Variants in PLEKHH2 observed in about 807,000 individuals in gnomAD.
The protein encoded by PLEKHH2 is pleckstrin homology domain-containing family H member 2.
Under a neutral mutation model 187.9 loss-of-function variants are expected in PLEKHH2, and 129 were observed. The observed-to-expected ratio is 0.69, with a 90% confidence interval of 0.59 to 0.79. PLEKHH2 has a LOEUF of 0.79. Ranked by LOEUF, PLEKHH2 falls within the 30% of genes least tolerant of loss-of-function variation. PLEKHH2 has a pLI of 0.00. For synonymous variants in PLEKHH2, 686 were observed against 605.6 expected, an observed-to-expected ratio of 1.13 and a Z score of -1.95; for missense variants, 2,076 against 1,751.2, an observed-to-expected ratio of 1.19 and a Z score of -3.31.
intron 10 of PLEKHH2, among the ~76,000 whole-genome samples, chr2:43,707,196 C>CA (rs60819579): frequency 0.049 from 4,288 of 88,164 alleles, 247 homozygotes; most frequent in Admixed American, 0.19. Flanking sequence ...GACTCCACCT[C>CA]AAAAAAAAAA....
chr2:43,750,759 T>C (rs910378539), intron 24 of PLEKHH2, among the ~76,000 whole-genome samples: 1 of 152,228 alleles, frequency 6.6e-6, no homozygotes, highest in Non-Finnish European at 1.5e-5. Flanking sequence ...TGGCAAATAA[T>C]TCCTGTACTT....
chr2:43,710,193 T>C (rs1265523835), intron 12 of PLEKHH2, 27 bp from the exon 13 acceptor site: 20 of 1,611,220 alleles, frequency 1.2e-5, no homozygotes, highest in Non-Finnish European at 1.7e-5. Flanking sequence ...AAACTGAAAA[T>C]GCTTTTGTCT....
intron 2 of PLEKHH2, among the ~76,000 whole-genome samples, chr2:43,676,684 C>T (rs1205418635): frequency 6.6e-6 from 1 of 152,130 alleles, no homozygotes; most frequent in Non-Finnish European, 1.5e-5. Context: ...GTGTATTCAG[C>T]CCCTGGTACA....
rs1335606836 is a variant in PLEKHH2, at chr2:43,657,026, CAAACA to C, written c.123+12244_123+12248del. On this transcript the variant is annotated intron_variant, in intron 2 of 29. Coordinates refer to ENST00000282406, the MANE Select transcript of PLEKHH2 (RefSeq NM_172069.4). ...AAGAGCAAAACTCCGTGTCAAAAAA[CAAACA>C]AAACAAAACAAAATAAAACAAAAAA... 3.9e-5 allele frequency among the ~76,000 whole-genome samples: 5 copies of C among 129,606 alleles called. No homozygotes were observed. The South Asian group carries it at 1.2e-3, about 30-fold the overall frequency. The allele number at this position is 129,606 out of a possible 152,430, so 85.0% of individuals were successfully genotyped here. A position where few individuals can be genotyped will look rare whatever the true frequency, so the allele number is the denominator to read the frequency against.
intron 13 of PLEKHH2, 75 bp downstream of exon 13, chr2:43,710,405 C>G: frequency 6.3e-7 from 1 of 1,583,970 alleles, no homozygotes; most frequent in Non-Finnish European, 8.6e-7. Flanking sequence ...ATTTCCTTCC[C>G]ATAATGCAAG....
chr2:43,764,315 TCAAAGGACAAACCAA>T lies in PLEKHH2; in HGVS notation c.4249_4263del (p.Lys1417_Thr1421del). 6.2e-7 allele frequency: 1 copy of T among 1,611,452 alleles called. No individual in the cohort carries two copies. The highest frequency in any genetic ancestry group is 8.5e-7 in the Non-Finnish European group (1 of 1,178,504). On this transcript the variant is annotated inframe_deletion, in exon 29 of 30. Transcript: ENST00000282406. ...TATGGTAGTCATTAACAATACACAT[TCAAAGGACAAACCAA>T]CAGAGAAATTACTTTTTGCCATGGC...
chr2:43,689,694 T>C (rs1344934390), intron 3 of PLEKHH2, among the ~76,000 whole-genome samples: 1 of 152,164 alleles, frequency 6.6e-6, no homozygotes, highest in Non-Finnish European at 1.5e-5. Context: ...CTCTAAGAGA[T>C]TTTGCCCCTT....
intron 2 of PLEKHH2, among the ~76,000 whole-genome samples, chr2:43,656,246 T>C (rs145630184): frequency 6.6e-6 from 1 of 152,194 alleles, no homozygotes; most frequent in African/African-American, 2.4e-5. Flanking sequence ...CATGAGTCAC[T>C]GTGCCCAGCC....
At chr2:43,726,614 G>C (rs13384733) in intron 17 of PLEKHH2, among the ~76,000 whole-genome samples, 163 bp downstream of exon 17, 23,868 of 152,108 alleles carry the variant, frequency 0.16, 2,118 homozygotes, top group Non-Finnish European at 0.2. Context: ...AATGAGCCTC[G>C]TTCAAATATG....
intron 1 of PLEKHH2, among the ~76,000 whole-genome samples, chr2:43,640,401 G>C (rs916233345): frequency 6.6e-6 from 1 of 152,052 alleles, no homozygotes; most frequent in East Asian, 1.9e-4. Flanking sequence ...ATGTTGCACA[G>C]TCTGGTCTTG....
At chr2:43,755,639 G>A (rs1313460216) in intron 25 of PLEKHH2, among the ~76,000 whole-genome samples, 1 of 152,160 alleles carries the variant, frequency 6.6e-6, no homozygotes, top group Non-Finnish European at 1.5e-5. Flanking sequence ...GGTATCAGCT[G>A]ACATAGCTTG....
intron 9 of PLEKHH2, 32 bp from the exon 10 acceptor site, chr2:43,706,290 T>G: frequency 1.3e-6 from 2 of 1,492,260 alleles, no homozygotes; most frequent in Non-Finnish European, 1.9e-6. Context: ...TAGAAGTTTT[T>G]TAAAATGTTG....
chr2:43,653,863 C>G (rs937603985), intron 2 of PLEKHH2, among the ~76,000 whole-genome samples: 1 of 152,164 alleles, frequency 6.6e-6, no homozygotes, highest in African/African-American at 2.4e-5. Flanking sequence ...GTAAACAGTT[C>G]TTTTACATGG....
chr2:43,692,717 T>A, intron 4 of PLEKHH2, 54 bp downstream of exon 4: 3 of 1,530,790 alleles, frequency 2.0e-6, no homozygotes, highest in Non-Finnish European at 2.7e-6. Flanking sequence ...TTGTGCATAA[T>A]CACAAAGATT....
At chr2:43,641,512 T>A (rs1474897337) in intron 1 of PLEKHH2, among the ~76,000 whole-genome samples, 1 of 151,992 alleles carries the variant, frequency 6.6e-6, no homozygotes, top group African/African-American at 2.4e-5. Context: ...TTTTTTTTTT[T>A]AGCTCATCAG....
In PLEKHH2 at chr2:43,651,638, A is replaced by C. The variant is rs149787541; in HGVS notation, c.123+6842A>C. Reference sequence around the variant, plus strand: ...TAACTATACACTGTGTGCGTCTGGCATATAAATTCTATAGCACCTGTGGTT... The same window carrying C: ...TAACTATACACTGTGTGCGTCTGGCCTATAAATTCTATAGCACCTGTGGTT... On this transcript the variant is annotated intron_variant, in intron 2 of 29. Coordinates refer to ENST00000282406, the MANE Select transcript of PLEKHH2 (RefSeq NM_172069.4). Among the ~76,000 whole-genome samples, 24 of 152,244 alleles carry C rather than the reference A, an allele frequency of 1.6e-4. No homozygotes were observed. The East Asian group carries it at 3.7e-3, about 23-fold the overall frequency.
At chr2:43,712,172 C>T (rs759191324) in intron 14 of PLEKHH2, 53 bp from the exon 15 acceptor site, 55 of 1,566,498 alleles carry the variant, frequency 3.5e-5, no homozygotes, top group Non-Finnish European at 4.8e-5. Flanking sequence ...GAAATGCTAA[C>T]AATCCTAAAT....
chr2:43,642,126 A>T (rs1204701325), intron 1 of PLEKHH2, among the ~76,000 whole-genome samples: 2 of 152,102 alleles, frequency 1.3e-5, no homozygotes, highest in Non-Finnish European at 2.9e-5. Flanking sequence ...TCTTCCATTT[A>T]TTTAGGTATT....
rs955116099 is a variant in PLEKHH2, at chr2:43,694,389, G to A, written c.337-42G>A. 14 of 1,516,208 alleles carry A rather than the reference G, an allele frequency of 9.2e-6. 1 individual carries two copies. The highest frequency in any genetic ancestry group is 6.2e-5 in the Admixed American group (3 of 48,604). 93.9% of individuals were successfully genotyped at this position (1,516,208 alleles called of 1,614,324 possible). A position where few individuals can be genotyped will look rare whatever the true frequency, so the allele number is the denominator to read the frequency against. ...TATGGTAAAACATTTCCAGACCATT[G>A]AGTTTATGTTTGAACTAAACAAATT... On this transcript the variant is annotated intron_variant, in intron 4 of 29. Transcript: ENST00000282406.
Sources: allele counts gnomAD v4.1 joint callset (sites outside exome capture counted in the v4.1 genomes callset), GRCh38; gene constraint gnomAD v4.1.1; transcripts MANE v1.5; gene names NCBI Gene and HGNC (gene_info 2026-07-23, HGNC 2026-07-21).